The following HINFP variants were observed in gnomAD, a reference collection of about 807,000 sequenced individuals.
HINFP encodes the protein histone H4 transcription factor, also known as MBD2 (methyl-CpG-binding protein)-interacting zinc finger protein.
In HINFP, 20 loss-of-function variants were observed where a neutral mutation model predicts 50.1. The observed-to-expected ratio is 0.40, with a 90% CI of 0.28 to 0.58. The LOEUF is 0.58. Among genes scored for constraint, HINFP ranks in the 20% least tolerant of loss-of-function variants. HINFP has a pLI of 0.45. For synonymous variants in HINFP, 247 were observed against 243.7 expected (o/e 1.01, Z -0.13); for missense variants, 505 against 664.1 (o/e 0.76, Z 2.63).
At chr11:119,126,597 C>G (rs1947421365) in intron 1 of HINFP, 3 of 179,952 alleles carry the variant, frequency 1.7e-5, no homozygotes, top group Non-Finnish European at 3.5e-5. Context: ...TTCTCAAAAG[C>G]CATCTGTTTG....
chr11:119,122,589 G>C (rs955963593), intron 1 of HINFP, among the ~76,000 whole-genome samples: 32 of 152,170 alleles, frequency 2.1e-4, no homozygotes, highest in African/African-American at 7.7e-4. Flanking sequence ...ATTATCTCCT[G>C]ATATTTATTG....
In HINFP at chr11:119,131,583, A is replaced by G. The variant is rs759178422; in HGVS notation, c.460A>G (p.Ser154Gly). The G allele has an allele frequency of 3.1e-6, 5 of 1,614,190 alleles. No homozygotes were observed. The East Asian group carries it at 8.9e-5, about 29-fold the overall frequency. ...EWFYRHVEAHSLCCEYEAVGK... is the reference protein window; with the variant it reads ...EWFYRHVEAHGLCCEYEAVGK... The stretch of plus-strand genomic sequence containing the variant: ...GTTTTATCGGCATGTGGAAGCACAC[A>G]GTCTGTGCTGTGAATACGAAGCAGT... The change falls in exon 4 of 10, where the codon AGT becomes GGT. Residue 154 changes from serine to glycine, a missense_variant. Transcript: ENST00000350777. The surrounding 1 kb of genome is among the most constrained non-coding windows in gnomAD (Gnocchi z 4.2).
At chr11:119,123,384 C>G (rs1356242308) in intron 1 of HINFP, among the ~76,000 whole-genome samples, 1 of 152,126 alleles carries the variant, frequency 6.6e-6, no homozygotes, top group Non-Finnish European at 1.5e-5. Context: ...GTTCGTTTCC[C>G]TACCTAGAAC....
At chr11:119,128,772 C>T (rs1328287381) in intron 2 of HINFP, among the ~76,000 whole-genome samples, 1 of 151,592 alleles carries the variant, frequency 6.6e-6, no homozygotes, top group Admixed American at 6.6e-5. Flanking sequence ...GATCTCAGCT[C>T]ACTGCAACCT....
At chr11:119,129,931 T>G (rs1166134183) in intron 2 of HINFP, 2 of 152,226 alleles carry the variant, frequency 1.3e-5, no homozygotes, top group Admixed American at 6.5e-5. Flanking sequence ...AGTTTCAAAA[T>G]TCAAGTCATA....
intron 1 of HINFP, among the ~76,000 whole-genome samples, chr11:119,122,286 T>C (rs1439958636): frequency 6.6e-6 from 1 of 152,176 alleles, no homozygotes; most frequent in East Asian, 1.9e-4. Flanking sequence ...TTTCAGATCA[T>C]TCTGTATCGC....
Position 119,123,062 on chromosome 11 carries a change from A to G in HINFP, c.-11+1423A>G, listed in dbSNP as rs138158106. On this transcript the variant is annotated intron_variant, in intron 1 of 9. Coordinates refer to ENST00000350777, the MANE Select transcript of HINFP (RefSeq NM_198971.3). ...AGAATCGCTTGAACCTGGGAGGCGGAGGTTGCAGTGAGCCCAGATCACAGC... is the reference window on the plus strand; with the variant it reads ...AGAATCGCTTGAACCTGGGAGGCGGGGGTTGCAGTGAGCCCAGATCACAGC... 7.1e-3 allele frequency among the ~76,000 whole-genome samples: 894 copies of G among 126,798 alleles called. 10 individuals carry two copies. Among genetic ancestry groups the G allele is most frequent in the African/African-American group, 0.025 (863 of 33,898 alleles). The allele number at this position is 126,798 out of a possible 152,430, so 83.2% of individuals were successfully genotyped here. A position where few individuals can be genotyped will look rare whatever the true frequency, so the allele number is the denominator to read the frequency against.
At chr11:119,128,726 G>A (rs1947566621) in intron 2 of HINFP, among the ~76,000 whole-genome samples, 1 of 151,342 alleles carries the variant, frequency 6.6e-6, no homozygotes, top group South Asian at 2.1e-4. Flanking sequence ...TTTAGATGGA[G>A]TCTTGCTCTG....
At chr11:119,124,778 A>C (rs1474249047) in intron 1 of HINFP, 3 of 152,014 alleles carry the variant, frequency 2.0e-5, no homozygotes, top group Admixed American at 2.0e-4. Flanking sequence ...GTTCGAGACC[A>C]GCCTGGCCAT....
At chr11:119,132,469 T>G in intron 5 of HINFP, 27 bp from the exon 6 acceptor site, 1 of 1,612,578 alleles carries the variant, frequency 6.2e-7, no homozygotes, top group Non-Finnish European at 8.5e-7. Context: ...CCTACAGCCC[T>G]CCTTTCTTCT....
rs1348088481 is a variant in HINFP at position 119,127,033 on chromosome 11, A to T, written c.89A>T (p.Glu30Val). The T allele has an allele frequency of 6.2e-7, 1 of 1,614,016 alleles. No individual in the cohort carries two copies. Among genetic ancestry groups the T allele is most frequent in the African/African-American group, 1.3e-5 (1 of 74,920 alleles). The change falls in exon 2 of 10, where the codon GAA becomes GTA. Residue 30 changes from glutamate to valine, a missense_variant. Coordinates refer to ENST00000350777, the MANE Select transcript of HINFP (RefSeq NM_198971.3). ...GSCSFVCSTM[E>V]KFFEHVTQHL... is the part of the protein sequence containing the mutation. ...TGCTCCTTTGTGTGCTCAACCATGG[A>T]AAAGTTCTTTGAGCATGTCACTCAG...
In HINFP at chr11:119,127,128, AAG is replaced by A. The variant is rs1565791397; in HGVS notation, c.181+8_181+9del. 8.7e-6 allele frequency: 14 copies of A among 1,607,554 alleles called. No homozygotes were observed. In the South Asian group the frequency reaches 8.8e-5, roughly 10 times the overall value. On this transcript the variant is annotated splice_donor_5th_base_variant and intron_variant, in intron 2 of 9. Coordinates refer to ENST00000350777, the MANE Select transcript of HINFP (RefSeq NM_198971.3). ...GGAAGAGGAGGATGACCCACTTGGT[AAG>A]AGAGCAGGACACAGGAAGGGGAGGA...
chr11:119,123,079 G>A (rs1947166679), intron 1 of HINFP, among the ~76,000 whole-genome samples: 1 of 118,170 alleles, frequency 8.5e-6, no homozygotes, highest in South Asian at 2.7e-4. Flanking sequence ...AGTGAGCCCA[G>A]ATCACAGCAC....
At chr11:119,130,345 G>T (rs1374325452) in intron 2 of HINFP, 1 of 247,784 alleles carries the variant, frequency 4.0e-6, no homozygotes, top group African/African-American at 2.3e-5. Context: ...TTCAACATGG[G>T]GACGTTTCTC....
At chr11:119,125,522 C>T (rs1248109832) in intron 1 of HINFP, 5 of 151,964 alleles carry the variant, frequency 3.3e-5, no homozygotes, top group African/African-American at 1.2e-4. Context: ...CAAAACAAAA[C>T]AAAAATTAGA....
In HINFP at chr11:119,134,461, A is replaced by G. The variant is rs777382589; in HGVS notation, c.1517A>G (p.Gln506Arg). The stretch of plus-strand genomic sequence containing the variant: ...TCAGGGGGCATCATGGAAAAGCTTC[A>G]AGGAATAGCTGAGGAGCCAGAGATC... ...PPSGGIMEKL[Q>R]GIAEEPEIQM... Residue 506 changes from glutamine (Q) to arginine (R), a missense_variant, in exon 10 of 10, where the codon CAA becomes CGA. By Grantham distance (43) the Gln-to-Arg change is conservative. Coordinates refer to ENST00000350777, the MANE Select transcript of HINFP (RefSeq NM_198971.3). The surrounding 1 kb of genome is among the most constrained non-coding windows in gnomAD (Gnocchi z 4.3). 2.5e-6 allele frequency: 4 copies of G among 1,611,616 alleles called. No homozygotes were observed. The highest frequency in any genetic ancestry group is 3.4e-6 in the Non-Finnish European group (4 of 1,178,316).
chr11:119,132,866 G>A lies in HINFP; in HGVS notation c.878G>A (p.Cys293Tyr), dbSNP rs776601278. The stretch of plus-strand genomic sequence containing the variant: ...TCCCTCCTGATTTCTCATGGCAGCT[G>A]CAAGAATCTTATTGACCTCCAGAAG... The part of the protein sequence containing the change: ...PFKCDCCDYS[C>Y]KNLIDLQKHL... The change falls in exon 8 of 10, where the codon TGC becomes TAC. Residue 293 changes from cysteine (C) to tyrosine (Y), a missense_variant and splice_region_variant. Coordinates refer to ENST00000350777, the MANE Select transcript of HINFP (RefSeq NM_198971.3). 1 of 1,614,076 alleles carries A rather than the reference G, an allele frequency of 6.2e-7. No individual in the cohort carries two copies. Among genetic ancestry groups the A allele is most frequent in the South Asian group, 1.1e-5 (1 of 91,090 alleles).
chr11:119,132,654 C>T lies in HINFP; in HGVS notation c.755-7C>T, dbSNP rs1327334084. ...TCACATCACAGCCTCCTCTCTGCTT[C>T]TCTCAGTGAATCACTATAAGTGCCC... On this transcript the variant is annotated splice_polypyrimidine_tract_variant and splice_region_variant and intron_variant, in intron 6 of 9. Transcript: ENST00000350777. 1 of 1,614,040 alleles carries T rather than the reference C, an allele frequency of 6.2e-7. No individual in the cohort carries two copies. The highest frequency in any genetic ancestry group is 8.5e-7 in the Non-Finnish European group (1 of 1,180,056).
At position 119,134,008 on chromosome 11, in the gene HINFP, C is replaced by A. The variant is rs772039452; in HGVS notation, c.1140-76C>A. 2 of 1,602,276 alleles carry A rather than the reference C, an allele frequency of 1.2e-6. No individual in the cohort carries two copies. Among genetic ancestry groups the A allele is most frequent in the Non-Finnish European group, 1.7e-6 (2 of 1,170,454 alleles). Reference sequence around the variant, plus strand: ...ACTTCTTCCATCCCTCATGTTTGTTCCTTACTTTGCCAGCCTCGGCCATTT... The same window carrying A: ...ACTTCTTCCATCCCTCATGTTTGTTACTTACTTTGCCAGCCTCGGCCATTT... On this transcript the variant is annotated intron_variant, in intron 9 of 9. Coordinates refer to ENST00000350777, the MANE Select transcript of HINFP (RefSeq NM_198971.3). The surrounding 1 kb of genome is among the most constrained non-coding windows in gnomAD (Gnocchi z 4.3).
Sources: allele counts gnomAD v4.1 joint callset (sites outside exome capture counted in the v4.1 genomes callset), GRCh38; gene constraint gnomAD v4.1.1; non-coding constraint Gnocchi (gnomAD v3.1); transcripts MANE v1.5; gene names NCBI Gene and HGNC (gene_info 2026-07-23, HGNC 2026-07-21).